Variants in CCDC178 observed in about 807,000 individuals in gnomAD.
The protein encoded by CCDC178 is coiled-coil domain containing 178, also known as coiled-coil domain-containing protein 178.
A neutral mutation model predicts 117.4 loss-of-function variants in CCDC178; 126 were observed. The ratio of observed to expected loss-of-function variants is 1.07; its 90% CI spans 0.93 to 1.24. The LOEUF (loss-of-function observed/expected upper bound fraction) is 1.24. Among genes scored for constraint, CCDC178 ranks in the 50% most tolerant of loss-of-function variants. CCDC178 has a pLI of 0.00. For missense variants in CCDC178, 1,030 were observed against 986.9 expected, an observed-to-expected ratio of 1.04 and a Z score of -0.59; for synonymous variants, 283 against 313.4, an observed-to-expected ratio of 0.90 and a Z score of 1.02.
chr18:33,112,562 A>G (rs2057799270), intron 20 of CCDC178, among the ~76,000 whole-genome samples: 1 of 151,856 alleles, frequency 6.6e-6, no homozygotes, highest in Non-Finnish European at 1.5e-5. Flanking sequence ...ATAGAATTTC[A>G]AAGATAGACT....
At chr18:33,046,533 T>A (rs77363699) in intron 21 of CCDC178, among the ~76,000 whole-genome samples, 21,418 of 151,692 alleles carry the variant, frequency 0.14, 2,324 homozygotes, top group African/African-American at 0.31. Flanking sequence ...AGCAAAAAAA[T>A]AACCACAGTA....
intron 11 of CCDC178, among the ~76,000 whole-genome samples, chr18:33,309,912 ATTG>A (rs1205839682): frequency 1.3e-5 from 2 of 151,668 alleles, no homozygotes; most frequent in South Asian, 2.1e-4. Flanking sequence ...AAACAAAATG[ATTG>A]TTTTTTTTTT....
chr18:33,344,067 G>A (rs1478826842), intron 9 of CCDC178, among the ~76,000 whole-genome samples: 1 of 151,748 alleles, frequency 6.6e-6, no homozygotes, highest in South Asian at 2.1e-4. Flanking sequence ...CACTTTGGGA[G>A]GCCGAGGCGG....
At chr18:33,080,871 A>T (rs1350281231) in intron 21 of CCDC178, among the ~76,000 whole-genome samples, 1 of 152,224 alleles carries the variant, frequency 6.6e-6, no homozygotes, top group African/African-American at 2.4e-5. Flanking sequence ...CAGAAAAGTA[A>T]ACATTCTACT....
chr18:33,221,363 T>C (rs1000476535), intron 18 of CCDC178, among the ~76,000 whole-genome samples: 2 of 152,080 alleles, frequency 1.3e-5, no homozygotes, highest in Non-Finnish European at 2.9e-5. Context: ...CCAACTGCTA[T>C]ATTAAAATAT....
At chr18:33,216,962 C>T (rs763502243) in intron 18 of CCDC178, among the ~76,000 whole-genome samples, 4 of 151,938 alleles carry the variant, frequency 2.6e-5, no homozygotes, top group South Asian at 2.1e-4. Context: ...CTAAACTTGA[C>T]GTTTAGATCA....
At chr18:33,245,203 C>A (rs751215398) in intron 15 of CCDC178, 42 bp downstream of exon 15, 2 of 1,448,686 alleles carry the variant, frequency 1.4e-6, no homozygotes, top group South Asian at 3.2e-5. Context: ...GTAAATTACT[C>A]TTTTTTTCAT....
At chr18:33,181,831 A>G (rs1163780674) in intron 20 of CCDC178, among the ~76,000 whole-genome samples, 1 of 151,864 alleles carries the variant, frequency 6.6e-6, no homozygotes. Flanking sequence ...AGGCTACCTA[A>G]CAACAACAAA....
chr18:33,436,353 A>T (rs2064290079), intron 2 of CCDC178, among the ~76,000 whole-genome samples: 1 of 152,222 alleles, frequency 6.6e-6, no homozygotes. Context: ...AGCAAGAATG[A>T]GGATGATGAA....
intron 21 of CCDC178, among the ~76,000 whole-genome samples, 163 bp downstream of exon 21, chr18:33,092,597 AT>A (rs1431619651): frequency 6.6e-6 from 1 of 152,150 alleles, no homozygotes; most frequent in African/African-American, 2.4e-5. Flanking sequence ...TCAAAATTCA[AT>A]TTTAAAAGGT....
At chr18:33,218,927 C>A (rs908026822) in intron 18 of CCDC178, among the ~76,000 whole-genome samples, 2 of 152,090 alleles carry the variant, frequency 1.3e-5, no homozygotes, top group Non-Finnish European at 2.9e-5. Flanking sequence ...ATTGTCTTGG[C>A]AATGTGGGCT....
At chr18:33,235,013 A>T (rs1293045706) in intron 15 of CCDC178, among the ~76,000 whole-genome samples, 2 of 152,176 alleles carry the variant, frequency 1.3e-5, no homozygotes, top group Admixed American at 6.5e-5. Flanking sequence ...AGATGCTCTA[A>T]GTACTAGCAG....
At chr18:33,207,294 C>T (rs183851397) in intron 20 of CCDC178, among the ~76,000 whole-genome samples, 371 of 151,724 alleles carry the variant, frequency 2.4e-3, no homozygotes, top group South Asian at 3.6e-3. Context: ...AATTATAGAC[C>T]AATAGATATT....
intron 21 of CCDC178, among the ~76,000 whole-genome samples, chr18:33,005,704 AC>A (rs1170041537): frequency 1.3e-5 from 2 of 152,028 alleles, no homozygotes; most frequent in East Asian, 3.9e-4. Flanking sequence ...CCTTTGTTAG[AC>A]TATTTCATGT....
intron 15 of CCDC178, 103 bp downstream of exon 15, chr18:33,245,142 T>C: frequency 8.9e-7 from 1 of 1,128,670 alleles, no homozygotes; most frequent in Non-Finnish European, 1.2e-6. Context: ...GAAAAGACTG[T>C]TAATCCTTAA....
intron 22 of CCDC178, among the ~76,000 whole-genome samples, chr18:32,963,520 G>A (rs889694108): frequency 2.6e-5 from 4 of 151,710 alleles, no homozygotes; most frequent in African/African-American, 9.7e-5. Context: ...GATGCTCCCC[G>A]TGTTGCATTT....
intron 2 of CCDC178, among the ~76,000 whole-genome samples, chr18:33,427,305 T>A (rs1568219991): frequency 6.6e-6 from 1 of 152,108 alleles, no homozygotes; most frequent in Non-Finnish European, 1.5e-5. Context: ...AGTAACTTAA[T>A]AGGAGACAAG....
At chr18:33,265,269 T>A (rs1404507586) in intron 14 of CCDC178, among the ~76,000 whole-genome samples, 2 of 152,078 alleles carry the variant, frequency 1.3e-5, no homozygotes, top group East Asian at 3.9e-4. Context: ...TGTCAGACTC[T>A]GCTATATGAT....
intron 12 of CCDC178, among the ~76,000 whole-genome samples, chr18:33,280,810 G>A (rs1035605433): frequency 6.6e-6 from 1 of 152,178 alleles, no homozygotes; most frequent in African/African-American, 2.4e-5. Context: ...GTAGGGACAC[G>A]GATGAAATTG....
Sources: gnomAD v4.1 joint callset for allele counts (sites outside exome capture counted in the v4.1 genomes callset) on GRCh38, gnomAD v4.1.1 for gene constraint, MANE v1.5 for transcripts, NCBI Gene and HGNC (gene_info 2026-07-23, HGNC 2026-07-21) for gene names.